Variants in SYT16 observed in about 807,000 individuals in gnomAD.
The protein encoded by SYT16 is synaptotagmin-16.
SYT16 carries 42 observed loss-of-function variants against 61.4 expected under a neutral mutation model. The ratio of observed to expected loss-of-function variants is 0.68; its 90% CI spans 0.53 to 0.89. The LOEUF is 0.89. Ranked by LOEUF, SYT16 falls within the 40% of genes least tolerant of loss-of-function variation. The pLI is 0.00. For missense variants in SYT16, 804 were observed against 807.3 expected, an observed-to-expected ratio of 1.00 and a Z score of 0.05; for synonymous variants, 314 against 302.3, an observed-to-expected ratio of 1.04 and a Z score of -0.40.
At chr14:62,069,937 G>A (rs530799303) in intron 4 of SYT16, 122 bp downstream of exon 4, 3 of 1,146,626 alleles carry the variant, frequency 2.6e-6, no homozygotes, top group Non-Finnish European at 3.7e-6. Context: ...AATGAGGCAG[G>A]ATGCATTACG....
At chr14:61,860,580 G>A (rs17099284) in intron 1 of SYT16, among the ~76,000 whole-genome samples, 16,188 of 152,212 alleles carry the variant, frequency 0.11, 910 homozygotes, top group Non-Finnish European at 0.11. Flanking sequence ...TGACATTGCT[G>A]TAACATTTTT....
chr14:62,049,751 A>G (rs1203764306), intron 3 of SYT16, among the ~76,000 whole-genome samples: 1 of 152,188 alleles, frequency 6.6e-6, no homozygotes, highest in African/African-American at 2.4e-5. Flanking sequence ...AGTTTGGCAG[A>G]ATATGAAATT....
intron 1 of SYT16, among the ~76,000 whole-genome samples, chr14:61,906,741 C>T (rs1444305195): frequency 2.5e-5 from 3 of 122,130 alleles, no homozygotes; most frequent in African/African-American, 6.3e-5. Flanking sequence ...ATCCATCCAT[C>T]CATCCATCCT....
intron 1 of SYT16, among the ~76,000 whole-genome samples, chr14:61,946,149 G>T (rs1379790335): frequency 6.6e-6 from 1 of 152,052 alleles, no homozygotes; most frequent in Non-Finnish European, 1.5e-5. Flanking sequence ...CATGGCACGT[G>T]TATACCTATG....
chr14:61,846,686 C>T (rs905977879), intron 1 of SYT16, among the ~76,000 whole-genome samples: 1 of 152,046 alleles, frequency 6.6e-6, no homozygotes, highest in African/African-American at 2.4e-5. Flanking sequence ...GAACTTACTC[C>T]TGCCATTTTG....
chr14:61,897,859 C>T (rs1008648744), intron 1 of SYT16, among the ~76,000 whole-genome samples: 3 of 152,152 alleles, frequency 2.0e-5, no homozygotes, highest in African/African-American at 7.2e-5. Flanking sequence ...TCTGGAGCTC[C>T]TGGGTCTTCT....
chr14:61,861,085 G>T (rs1439505292), intron 1 of SYT16, among the ~76,000 whole-genome samples: 1 of 152,168 alleles, frequency 6.6e-6, no homozygotes, highest in Non-Finnish European at 1.5e-5. Flanking sequence ...TAGAAGTATG[G>T]AAGGTGGTGA....
At chr14:62,090,154 A>G (rs1371294232) in intron 7 of SYT16, among the ~76,000 whole-genome samples, 2 of 152,240 alleles carry the variant, frequency 1.3e-5, no homozygotes, top group African/African-American at 2.4e-5. Context: ...CAGCTTTGCT[A>G]TGTCTCCTTC....
chr14:61,812,353 G>C (rs542892718), upstream of SYT16: 4 of 152,626 alleles, frequency 2.6e-5, no homozygotes, highest in Admixed American at 2.0e-4. Flanking sequence ...GGATGAAGCG[G>C]AGAATGGAAA....
chr14:61,990,322 A>G (rs555063438), intron 2 of SYT16, among the ~76,000 whole-genome samples: 1 of 152,304 alleles, frequency 6.6e-6, no homozygotes, highest in East Asian at 1.9e-4. Flanking sequence ...TTTATAGGTG[A>G]CACAAGAAAG....
intron 3 of SYT16, among the ~76,000 whole-genome samples, chr14:62,007,965 G>A (rs1364502237): frequency 2.0e-5 from 3 of 151,758 alleles, no homozygotes; most frequent in East Asian, 1.9e-4. Context: ...GTAAGAGGAG[G>A]GATATCTTTT....
intron 3 of SYT16, among the ~76,000 whole-genome samples, chr14:61,997,561 C>G (rs1014475461): frequency 2.0e-5 from 3 of 151,990 alleles, no homozygotes; most frequent in East Asian, 1.9e-4. Context: ...ATAATGCTCT[C>G]TTGATACTTT....
chr14:61,936,630 T>A (rs1411664170), intron 1 of SYT16, among the ~76,000 whole-genome samples: 1 of 152,166 alleles, frequency 6.6e-6, no homozygotes, highest in East Asian at 1.9e-4. Flanking sequence ...TCTATCACTT[T>A]TTCTCTCTTC....
chr14:62,000,013 A>G (rs550410831), intron 3 of SYT16, among the ~76,000 whole-genome samples: 1 of 144,186 alleles, frequency 6.9e-6, no homozygotes, highest in South Asian at 2.2e-4. Context: ...AAGATTGTAT[A>G]TTCTGTTACT....
At chr14:61,886,880 C>CTTTTTTTTTTTTTTTTTTTTTTTTTT (rs371140698) in intron 1 of SYT16, among the ~76,000 whole-genome samples, 20 of 110,842 alleles carry the variant, frequency 1.8e-4, no homozygotes, top group Admixed American at 2.9e-4. Flanking sequence ...TTTTTTTTGT[C>CTTTTTTTTTTTTTTTTTTTTTTTTTT]TTTTTTTTTT....
intron 1 of SYT16, among the ~76,000 whole-genome samples, chr14:61,937,669 G>C (rs566975456): frequency 6.6e-6 from 1 of 152,156 alleles, no homozygotes; most frequent in African/African-American, 2.4e-5. Context: ...TTCAATAAGA[G>C]ATTATTGTTG....
At position 61,886,856 on chromosome 14, in the gene SYT16, G is replaced by T. The variant is rs1326113129; in HGVS notation, c.-325+74046G>T. ...CTTATGAAATGCATTTCTTTAAGGGGAGTTACGCTTATTTTTTTTTTGTCT... is the reference window on the plus strand; with the variant it reads ...CTTATGAAATGCATTTCTTTAAGGGTAGTTACGCTTATTTTTTTTTTGTCT... On this transcript the variant is annotated intron_variant, in intron 1 of 7. Coordinates refer to ENST00000683842, the MANE Select transcript of SYT16 (RefSeq NM_001367656.1). Among the ~76,000 whole-genome samples, 3 of 150,240 alleles carry T rather than the reference G, an allele frequency of 2.0e-5. No individual in the cohort carries two copies. The East Asian group carries it at 5.8e-4, about 29-fold the overall frequency.
chr14:62,050,439 A>AGTT (rs1566798124), intron 3 of SYT16, among the ~76,000 whole-genome samples: 1 of 152,016 alleles, frequency 6.6e-6, no homozygotes, highest in East Asian at 1.9e-4. Context: ...AGCTCGGAGT[A>AGTT]GTTTGATCTT....
chr14:61,816,511 A>G (rs1566603972), intron 1 of SYT16, among the ~76,000 whole-genome samples: 1 of 152,234 alleles, frequency 6.6e-6, no homozygotes, highest in Non-Finnish European at 1.5e-5. Context: ...ACTAAAAAAT[A>G]TAGACAAAGA....
Sources: gnomAD v4.1 joint callset for allele counts (sites outside exome capture counted in the v4.1 genomes callset) on GRCh38, gnomAD v4.1.1 for gene constraint, MANE v1.5 for transcripts, NCBI Gene and HGNC (gene_info 2026-07-23, HGNC 2026-07-21) for gene names.